ANXA8: variants seen among roughly 807,000 people sequenced by gnomAD.
ANXA8 encodes the protein VAC-beta.
In ANXA8, 9 loss-of-function variants were observed where a neutral mutation model predicts 26.8. The observed-to-expected ratio is 0.34, with a 90% confidence interval of 0.20 to 0.59. ANXA8 has a LOEUF of 0.59. Ranked by LOEUF, ANXA8 falls within the 20% of genes least tolerant of loss-of-function variation. The pLI is 0.84. For missense variants in ANXA8, 83 were observed against 238.5 expected (o/e 0.35, Z 4.29); for synonymous variants, 39 against 94.8 (o/e 0.41, Z 3.42).
At chr10:47,684,414 GT>G in the ANXA8 span, among the ~76,000 whole-genome samples, 2,746 of 125,862 alleles carry the variant, frequency 0.022, 40 homozygotes, top group Middle Eastern at 0.052. Flanking sequence ...TTCTAGTCAA[GT>G]TTTTTTTTGG....
chr10:47,707,187 A>G, the ANXA8 span, among the ~76,000 whole-genome samples: 1 of 142,462 alleles, frequency 7.0e-6, no homozygotes, highest in Admixed American at 7.1e-5. Flanking sequence ...AAAAAAAACA[A>G]AAAAAAGAGT....
At chr10:47,733,299 T>G in the ANXA8 span, among the ~76,000 whole-genome samples, 44 of 100,688 alleles carry the variant, frequency 4.4e-4, 1 homozygote, top group Non-Finnish European at 6.1e-4. Context: ...TTCTTTCTTT[T>G]TTTTCTTTCT....
At chr10:47,720,576 A>G in the ANXA8 span, among the ~76,000 whole-genome samples, 1 of 144,398 alleles carries the variant, frequency 6.9e-6, no homozygotes, top group Non-Finnish European at 1.5e-5. Flanking sequence ...AGGTAGTCAA[A>G]AGCTCAGACA....
the ANXA8 span, among the ~76,000 whole-genome samples, chr10:47,620,992 C>T: frequency 1.8e-5 from 2 of 108,778 alleles, no homozygotes; most frequent in Non-Finnish European, 4.0e-5. Flanking sequence ...TTCTGGTGAC[C>T]TCCTGTTTAG....
chr10:47,628,478 T>C, the ANXA8 span, among the ~76,000 whole-genome samples: 22 of 151,186 alleles, frequency 1.5e-4, no homozygotes, highest in Non-Finnish European at 2.8e-4. Flanking sequence ...TCAATTATGT[T>C]TGAATTCTAT....
At chr10:47,555,321 C>A in the ANXA8 span, among the ~76,000 whole-genome samples, 24 of 151,146 alleles carry the variant, frequency 1.6e-4, no homozygotes, top group African/African-American at 5.8e-4. Flanking sequence ...AAGCAGAGGG[C>A]CATGGCTGGG....
At chr10:47,901,049 G>GA in the ANXA8 span, among the ~76,000 whole-genome samples, 1 of 140,584 alleles carries the variant, frequency 7.1e-6, no homozygotes, top group South Asian at 2.3e-4. Flanking sequence ...CATAATAGCA[G>GA]AGGTAGAACT....
At chr10:47,684,649 G>A in the ANXA8 span, among the ~76,000 whole-genome samples, 12 of 151,724 alleles carry the variant, frequency 7.9e-5, no homozygotes, top group Admixed American at 5.9e-4. Context: ...GCAGTGGCCC[G>A]ATCTTGGCTC....
upstream of ANXA8, among the ~76,000 whole-genome samples, chr10:47,488,723 T>A (rs1555223841): frequency 3.5e-5 from 4 of 115,386 alleles, no homozygotes; most frequent in African/African-American, 1.4e-4. Flanking sequence ...ATTTTTTTTT[T>A]TTTTTTTTTT....
At chr10:47,953,133 G>C in the ANXA8 span, among the ~76,000 whole-genome samples, 19 of 150,088 alleles carry the variant, frequency 1.3e-4, 1 homozygote, top group East Asian at 3.5e-3. Flanking sequence ...AAAAGTTTTT[G>C]GTCTACAAAA....
chr10:47,608,171 T>C, the ANXA8 span, among the ~76,000 whole-genome samples: 1 of 122,104 alleles, frequency 8.2e-6, no homozygotes, highest in South Asian at 2.7e-4. Flanking sequence ...CATGTACATA[T>C]ACATATATAC....
the ANXA8 span, chr10:47,986,187 GTGTT>G: frequency 6.6e-6 from 1 of 150,610 alleles, no homozygotes; most frequent in Non-Finnish European, 1.5e-5. Flanking sequence ...ATTTTCAAAA[GTGTT>G]TGCGTTCTTT....
the ANXA8 span, chr10:47,582,245 T>G: frequency 2.2e-5 from 4 of 184,918 alleles, no homozygotes; most frequent in African/African-American, 1.0e-4. Context: ...CCATTGTGCG[T>G]CTAGACTGTG....
chr10:47,664,230 G>T, the ANXA8 span, among the ~76,000 whole-genome samples: 2 of 151,856 alleles, frequency 1.3e-5, no homozygotes, highest in Non-Finnish European at 2.9e-5. Context: ...ACAAAAAAAT[G>T]AGCCGGGCGT....
chr10:47,572,475 G>A, the ANXA8 span, among the ~76,000 whole-genome samples: 1 of 150,606 alleles, frequency 6.6e-6, no homozygotes, highest in Non-Finnish European at 1.5e-5. Context: ...TAGCACTTTG[G>A]GAGGCCGAGG....
chr10:47,653,460 T>C, the ANXA8 span, among the ~76,000 whole-genome samples: 2 of 151,810 alleles, frequency 1.3e-5, no homozygotes, highest in East Asian at 3.9e-4. Flanking sequence ...CGAGGAAAAG[T>C]AAGTAGTCAC....
At chr10:47,974,784 A>T in the ANXA8 span, among the ~76,000 whole-genome samples, 3 of 149,362 alleles carry the variant, frequency 2.0e-5, no homozygotes, top group African/African-American at 4.9e-5. Context: ...TCAATTTTTT[A>T]AAATTTATTG....
the ANXA8 span, among the ~76,000 whole-genome samples, chr10:47,618,210 G>A: frequency 9.2e-6 from 1 of 108,872 alleles, no homozygotes; most frequent in Non-Finnish European, 2.0e-5. Context: ...TAATGTTCAT[G>A]CAAATAAGCT....
At chr10:47,724,278 C>G in the ANXA8 span, among the ~76,000 whole-genome samples, 2 of 136,440 alleles carry the variant, frequency 1.5e-5, 1 homozygote, top group Non-Finnish European at 3.2e-5. Flanking sequence ...CGCAAACCAG[C>G]ACACCAGCAG....
Sources: allele counts gnomAD v4.1 joint callset (sites outside exome capture counted in the v4.1 genomes callset), GRCh38; gene constraint gnomAD v4.1.1; transcripts MANE v1.5; gene names NCBI Gene and HGNC (gene_info 2026-07-23, HGNC 2026-07-21).